Variants in PABIR3 observed in about 807,000 individuals in gnomAD.
The protein encoded by PABIR3 is PABIR family member 3, also known as PABIR family member 1.
In PABIR3, 20 loss-of-function variants were observed where a neutral mutation model predicts 23.1. The ratio of observed to expected loss-of-function variants is 0.86; its 90% CI spans 0.61 to 1.26. PABIR3 has a LOEUF of 1.26. PABIR3 is among the 50% of genes most tolerant of loss of function. The probability of loss-of-function intolerance (pLI) is 0.00; values close to 1 mark genes in which losing one functional copy is unlikely to be tolerated. For synonymous variants in PABIR3, 69 were observed against 68.5 expected (o/e 1.01, Z -0.04); for missense variants, 189 against 195.4 (o/e 0.97, Z 0.20).
upstream of PABIR3, among the ~76,000 whole-genome samples, chrX:134,802,659 T>C (rs2080097617): frequency 8.9e-6 from 1 of 112,303 alleles, no homozygotes; most frequent in Non-Finnish European, 1.9e-5. Flanking sequence ...CCAAAACATA[T>C]GTGCCAATTG....
chrX:134,840,701 C>A (rs2082202594), intron 4 of PABIR3, among the ~76,000 whole-genome samples: 1 of 111,170 alleles, frequency 9.0e-6, no homozygotes, highest in Admixed American at 9.7e-5. Flanking sequence ...TGCCCAAATT[C>A]TTTAAATTCA....
At chrX:134,840,827 A>C (rs1433665313) in intron 4 of PABIR3, among the ~76,000 whole-genome samples, 1 of 110,152 alleles carries the variant, frequency 9.1e-6, no homozygotes, top group East Asian at 2.9e-4. Context: ...CACTATCTCC[A>C]AATCTGTTGT....
At chrX:134,835,912 A>G (rs767650615) in intron 4 of PABIR3, 1 of 112,015 alleles carries the variant, frequency 8.9e-6, no homozygotes, top group African/African-American at 3.2e-5. Flanking sequence ...ATCTCGGCTC[A>G]CTGCAACCTT....
downstream of PABIR3, among the ~76,000 whole-genome samples, chrX:134,855,231 G>A (rs865927066): frequency 3.6e-5 from 4 of 110,263 alleles, no homozygotes; most frequent in South Asian, 1.2e-3. Context: ...TCAGGAGATC[G>A]AGACCATCCT....
downstream of PABIR3, among the ~76,000 whole-genome samples, chrX:134,859,257 A>C (rs2082761903): frequency 8.9e-6 from 1 of 111,850 alleles, no homozygotes; most frequent in African/African-American, 3.2e-5. Context: ...ATCTGCCTTC[A>C]TCTTTGCTAG....
At chrX:134,820,392 G>A (rs1016042983) in intron 3 of PABIR3, among the ~76,000 whole-genome samples, 2 of 111,414 alleles carry the variant, frequency 1.8e-5, no homozygotes, top group Admixed American at 9.6e-5. Flanking sequence ...AAGTTTAATG[G>A]TTATGTCCTA....
At chrX:134,815,961 G>A (rs1175477647) in intron 3 of PABIR3, among the ~76,000 whole-genome samples, 2 of 112,007 alleles carry the variant, frequency 1.8e-5, no homozygotes, top group Non-Finnish European at 3.8e-5. Context: ...GATTACAGGT[G>A]TGAGCCATTG....
chrX:134,860,508 A>G, the PABIR3 span, among the ~76,000 whole-genome samples: 14 of 111,802 alleles, frequency 1.3e-4, no homozygotes, highest in African/African-American at 4.6e-4. Flanking sequence ...ACTGTGGTGG[A>G]GTCCTATTGT....
chrX:134,816,772 ATGT>A (rs1166426419), intron 3 of PABIR3, among the ~76,000 whole-genome samples: 2 of 112,235 alleles, frequency 1.8e-5, no homozygotes, highest in African/African-American at 6.5e-5. Flanking sequence ...TTGGTAATTT[ATGT>A]GTTATGTGTT....
intron 1 of PABIR3, among the ~76,000 whole-genome samples, chrX:134,800,216 G>C (rs1383038476): frequency 9.5e-6 from 1 of 105,512 alleles, no homozygotes; most frequent in Non-Finnish European, 1.9e-5. Context: ...CAGGAGAATC[G>C]CTTGAACCCG....
chrX:134,819,396 T>C lies in PABIR3; in HGVS notation c.189+4547T>C, dbSNP rs781484228. 6.3e-5 allele frequency among the ~76,000 whole-genome samples: 7 copies of C among 111,888 alleles called. No individual in the cohort carries two copies. The South Asian group carries it at 2.6e-3, about 41-fold the overall frequency. Reference sequence around the variant, plus strand: ...ATTTTAACTTATTGGATGATGGGGATTTCAAGGCTTGTTGGTTTAGCTTGC... The same window carrying C: ...ATTTTAACTTATTGGATGATGGGGACTTCAAGGCTTGTTGGTTTAGCTTGC... On this transcript the variant is annotated intron_variant, in intron 3 of 10. Transcript: ENST00000645433.
chrX:134,804,339 G>GT, upstream of PABIR3: 1 of 704,839 alleles, frequency 1.4e-6, no homozygotes, highest in Non-Finnish European at 2.1e-6. Context: ...AATTCTTGCT[G>GT]TTTTTGTATT....
intron 3 of PABIR3, chrX:134,822,649 A>G: frequency 4.0e-6 from 3 of 749,123 alleles, no homozygotes; most frequent in Non-Finnish European, 4.7e-6. Context: ...CTTCTAGGGA[A>G]GTCTTTCATC....
At chrX:134,848,044 G>C (rs949978788) in intron 8 of PABIR3, 73 bp downstream of exon 8, 10 of 892,847 alleles carry the variant, frequency 1.1e-5, no homozygotes, top group Non-Finnish European at 1.5e-5. Context: ...AGAAATTATA[G>C]CTCCAAGTTT....
At chrX:134,809,308 G>GGT (rs2080473811) in intron 2 of PABIR3, 1 of 122,954 alleles carries the variant, frequency 8.1e-6, no homozygotes, top group Non-Finnish European at 1.6e-5. Flanking sequence ...TGGGACTTCA[G>GGT]GCACCCGCCA....
chrX:134,856,213 G>C (rs1249661895), downstream of PABIR3, among the ~76,000 whole-genome samples: 1 of 100,639 alleles, frequency 9.9e-6, no homozygotes, highest in African/African-American at 3.7e-5. Flanking sequence ...TTGAGACGGA[G>C]TCTCGCTCTA....
At chrX:134,853,128 AAT>A (rs1218216250) in intron 10 of PABIR3, among the ~76,000 whole-genome samples, 1 of 110,989 alleles carries the variant, frequency 9.0e-6, no homozygotes, top group East Asian at 2.8e-4. Flanking sequence ...GCAGTGGCAC[AAT>A]CTTGGCTCAC....
intron 2 of PABIR3, chrX:134,810,134 C>T: frequency 2.7e-6 from 2 of 753,492 alleles, no homozygotes; most frequent in South Asian, 6.7e-5. Flanking sequence ...TGCAAATAGA[C>T]GATGGAAGAT....
intron 3 of PABIR3, among the ~76,000 whole-genome samples, chrX:134,824,917 C>T (rs1215290787): frequency 8.9e-6 from 1 of 112,323 alleles, no homozygotes; most frequent in Non-Finnish European, 1.9e-5. Context: ...GGATGCATGT[C>T]ATACAAAACC....
Sources: gnomAD v4.1 joint callset for allele counts (sites outside exome capture counted in the v4.1 genomes callset) on GRCh38, gnomAD v4.1.1 for gene constraint, MANE v1.5 for transcripts, NCBI Gene and HGNC (gene_info 2026-07-23, HGNC 2026-07-21) for gene names.